TMEM131: variants seen among roughly 807,000 people sequenced by gnomAD.
TMEM131 encodes the protein 2610524E03Rik.
TMEM131 carries 66 observed loss-of-function variants against 211.6 expected under a neutral mutation model. The ratio of observed to expected loss-of-function variants is 0.31; its 90% confidence interval spans 0.26 to 0.38. TMEM131 has a LOEUF of 0.38. TMEM131 is among the 10% of genes least tolerant of loss of function. The pLI is 1.00. For synonymous variants in TMEM131, 844 were observed against 841.3 expected (o/e 1.00, Z -0.06); for missense variants, 2,036 against 2,299.3 (o/e 0.89, Z 2.34).
At chr2:97,919,427 T>TTTGCTG (rs1676644668) in intron 2 of TMEM131, among the ~76,000 whole-genome samples, 2 of 152,206 alleles carry the variant, frequency 1.3e-5, no homozygotes, top group Non-Finnish European at 2.9e-5. Flanking sequence ...GAATTCTAGT[T>TTTGCTG]TGGCAAATTT....
intron 2 of TMEM131, among the ~76,000 whole-genome samples, chr2:97,923,896 C>T (rs1030792181): frequency 3.3e-5 from 5 of 151,840 alleles, no homozygotes; most frequent in South Asian, 2.1e-4. Flanking sequence ...CTGGCTAACA[C>T]GGTGAAACCC....
chr2:97,936,323 A>ACGCAT (rs1430611132), intron 1 of TMEM131, among the ~76,000 whole-genome samples: 1 of 152,238 alleles, frequency 6.6e-6, no homozygotes, highest in Non-Finnish European at 1.5e-5. Context: ...GGTCCTGTGT[A>ACGCAT]CGCATCGGGC....
intron 1 of TMEM131, among the ~76,000 whole-genome samples, chr2:97,973,755 A>G (rs1283076061): frequency 2.0e-5 from 3 of 152,322 alleles, no homozygotes; most frequent in African/African-American, 7.2e-5. Context: ...AGAACTCATG[A>G]CATACTGGAC....
intron 31 of TMEM131, among the ~76,000 whole-genome samples, chr2:97,782,839 C>A (rs957642754): frequency 3.3e-5 from 5 of 150,514 alleles, no homozygotes; most frequent in Non-Finnish European, 5.9e-5. Context: ...GTAATTATAA[C>A]AAAAGATCTG....
At chr2:97,959,749 G>A (rs1039306780) in intron 1 of TMEM131, among the ~76,000 whole-genome samples, 2 of 151,878 alleles carry the variant, frequency 1.3e-5, no homozygotes, top group Admixed American at 6.6e-5. Context: ...AAATACAGTC[G>A]GTATTTAAGT....
At chr2:97,993,534 G>C (rs1036277948) in intron 1 of TMEM131, among the ~76,000 whole-genome samples, 2 of 152,204 alleles carry the variant, frequency 1.3e-5, no homozygotes, top group Non-Finnish European at 2.9e-5. Context: ...ATCTGTTTAT[G>C]ATGGGTAGAG....
intron 1 of TMEM131, among the ~76,000 whole-genome samples, chr2:97,945,164 C>A (rs1677973649): frequency 6.6e-6 from 1 of 152,162 alleles, no homozygotes; most frequent in African/African-American, 2.4e-5. Flanking sequence ...TGACACAAAG[C>A]TCACAGATGA....
At chr2:97,808,388 C>T (rs1367648470) in intron 19 of TMEM131, among the ~76,000 whole-genome samples, 2 of 152,168 alleles carry the variant, frequency 1.3e-5, no homozygotes, top group African/African-American at 4.8e-5. Context: ...TTACATCTGC[C>T]CTGGTATTCC....
intron 4 of TMEM131, among the ~76,000 whole-genome samples, chr2:97,868,082 G>A (rs1573482417): frequency 6.6e-6 from 1 of 152,072 alleles, no homozygotes; most frequent in South Asian, 2.1e-4. Flanking sequence ...TCAAGTATTC[G>A]GAAGCTCCAT....
intron 36 of TMEM131, 125 bp from the exon 37 acceptor site, chr2:97,761,039 G>A (rs1678813280): frequency 1.5e-6 from 2 of 1,307,840 alleles, no homozygotes; most frequent in Non-Finnish European, 2.1e-6. Flanking sequence ...ACAGAGCATC[G>A]CTCAGCCTCA....
chr2:97,839,113 C>T (rs1033661549), intron 7 of TMEM131, among the ~76,000 whole-genome samples: 1 of 152,068 alleles, frequency 6.6e-6, no homozygotes, highest in African/African-American at 2.4e-5. Flanking sequence ...TCACTTGAGC[C>T]CAGGAGTTGT....
chr2:97,878,478 A>G (rs1239227071), intron 4 of TMEM131, among the ~76,000 whole-genome samples: 1 of 152,258 alleles, frequency 6.6e-6, no homozygotes, highest in African/African-American at 2.4e-5. Context: ...CTGGATAAAG[A>G]AAATGTGGCA....
intron 5 of TMEM131, among the ~76,000 whole-genome samples, chr2:97,854,950 T>C (rs1318197168): frequency 1.3e-5 from 2 of 152,210 alleles, no homozygotes; most frequent in Non-Finnish European, 2.9e-5. Flanking sequence ...GTCTCTGATC[T>C]TATACTTTTC....
At chr2:97,942,201 C>T (rs570110239) in intron 1 of TMEM131, among the ~76,000 whole-genome samples, 12 of 151,960 alleles carry the variant, frequency 7.9e-5, no homozygotes, top group African/African-American at 1.9e-4. Flanking sequence ...TGGAAACCAT[C>T]GTTCTGAGCA....
intron 1 of TMEM131, among the ~76,000 whole-genome samples, chr2:97,972,758 G>C (rs1679363807): frequency 6.6e-6 from 1 of 152,162 alleles, no homozygotes; most frequent in Non-Finnish European, 1.5e-5. Flanking sequence ...AAAAGTGGAA[G>C]AGGGAGGCAG....
chr2:97,963,326 C>G (rs1678904212), intron 1 of TMEM131, among the ~76,000 whole-genome samples: 1 of 152,120 alleles, frequency 6.6e-6, no homozygotes, highest in South Asian at 2.1e-4. Flanking sequence ...TTATTAATTT[C>G]TTGTATGTTA....
chr2:97,845,682 G>T (rs1683392239), intron 5 of TMEM131, among the ~76,000 whole-genome samples: 1 of 127,552 alleles, frequency 7.8e-6, no homozygotes, highest in South Asian at 2.4e-4. Context: ...ACTAGAAAAA[G>T]AATAAATTAA....
chr2:97,791,390 G>A lies in TMEM131; in HGVS notation c.4144+996C>T, dbSNP rs116331977. ...TAGATAGTAAGAAACAGTGACTTCC[G>A]TCCTGCTTCCTCCTTGCCCTCTTGT... On this transcript the variant is annotated intron_variant, in intron 31 of 40. Transcript: ENST00000186436. Among the ~76,000 whole-genome samples, 78 of 152,274 alleles carry A rather than the reference G, an allele frequency of 5.1e-4. 1 individual carries two copies. The highest frequency in any genetic ancestry group is 1.8e-3 in the African/African-American group (74 of 41,550).
chr2:97,761,112 A>G (rs1224647391), intron 36 of TMEM131, 198 bp from the exon 37 acceptor site: 5 of 624,320 alleles, frequency 8.0e-6, no homozygotes, highest in African/African-American at 7.4e-5. Flanking sequence ...TTCTGGAGAA[A>G]GGTAAGAAAA....
Sources: gnomAD v4.1 joint callset for allele counts (sites outside exome capture counted in the v4.1 genomes callset) on GRCh38, gnomAD v4.1.1 for gene constraint, MANE v1.5 for transcripts, NCBI Gene and HGNC (gene_info 2026-07-23, HGNC 2026-07-21) for gene names.